The following UPF2 variants were observed in gnomAD, a reference collection of about 807,000 sequenced individuals.
UPF2 encodes the protein UPF2 regulator of nonsense mediated mRNA decay.
In UPF2, 17 loss-of-function variants were observed where a neutral mutation model predicts 141.4. That is an observed-to-expected ratio of 0.12 (90% CI 0.08 to 0.18). The LOEUF (loss-of-function observed/expected upper bound fraction) is 0.18. Ranked by LOEUF, UPF2 falls within the 10% of genes least tolerant of loss-of-function variation. UPF2 has a pLI of 1.00. For missense variants in UPF2, 1,152 were observed against 1,515.9 expected, an observed-to-expected ratio of 0.76 and a Z score of 3.99; for synonymous variants, 540 against 498.0, an observed-to-expected ratio of 1.08 and a Z score of -1.12.
intron 8 of UPF2, among the ~76,000 whole-genome samples, chr10:11,995,771 G>C (rs1038119853): frequency 6.6e-6 from 1 of 151,744 alleles, no homozygotes; most frequent in African/African-American, 2.4e-5. Context: ...CGACAAGTGA[G>C]ACTCTGTATC....
rs1340989311 is a variant in UPF2, at chr10:11,936,611, T to C, written c.3480A>G (p.Glu1160=). ...LRKGPPLGGG[E]GEAESADTMP... Reference sequence around the variant, plus strand: ...TTGTGTCTGCAGACTCAGCCTCTCCTTCCCCACCTCCCAGTGGGGGCCCTT... The same window carrying C: ...TTGTGTCTGCAGACTCAGCCTCTCCCTCCCCACCTCCCAGTGGGGGCCCTT... Residue 1160 remains glutamate, a synonymous_variant, in exon 19 of 22, where the codon GAA becomes GAG. Transcript: ENST00000357604. The surrounding 1 kb of genome is among the most constrained non-coding windows in gnomAD (Gnocchi z 6.6). 6.2e-7 allele frequency: 1 copy of C among 1,613,350 alleles called. No individual in the cohort carries two copies. The highest frequency in any genetic ancestry group is 8.5e-7 in the Non-Finnish European group (1 of 1,179,688).
intron 2 of UPF2, 79 bp from the exon 3 acceptor site, chr10:12,029,603 C>T (rs746297322): frequency 3.5e-6 from 5 of 1,425,040 alleles, no homozygotes; most frequent in South Asian, 1.5e-5. Flanking sequence ...GAGTAAAAAG[C>T]CAATGAAAAA....
intron 16 of UPF2, among the ~76,000 whole-genome samples, chr10:11,947,628 C>A (rs1417515260): frequency 6.7e-6 from 1 of 150,040 alleles, no homozygotes; most frequent in Non-Finnish European, 1.5e-5. Context: ...ACAAAAAAAC[C>A]CCAAAATAAT....
rs941671090 is a variant in UPF2 at position 11,921,962 on chromosome 10, T to G, written c.3810-655A>C. On this transcript the variant is annotated intron_variant, in intron 21 of 21. Transcript: ENST00000357604. The surrounding 1 kb of genome is among the most constrained non-coding windows in gnomAD (Gnocchi z 5.9). The stretch of plus-strand genomic sequence containing the variant: ...TTGCTGTAGACGTAATTACTTCAGA[T>G]AAGGCCATACTGGAGCAGGGTGGAG... Among the ~76,000 whole-genome samples the G allele has an allele frequency of 6.6e-6, 1 of 152,206 alleles. No homozygotes were observed. The highest frequency in any genetic ancestry group is 1.5e-5 in the Non-Finnish European group (1 of 68,040).
At chr10:11,976,317 G>C (rs1045369846) in intron 9 of UPF2, among the ~76,000 whole-genome samples, 4 of 152,104 alleles carry the variant, frequency 2.6e-5, no homozygotes, top group African/African-American at 9.7e-5. Context: ...CATAACTCCA[G>C]GTATGGAAAA....
intron 9 of UPF2, among the ~76,000 whole-genome samples, chr10:11,970,020 T>C (rs74119916): frequency 0.014 from 2,067 of 152,324 alleles, 45 homozygotes; most frequent in African/African-American, 0.047. Flanking sequence ...TAAAGCTTAA[T>C]ATACATATTG....
intron 3 of UPF2, among the ~76,000 whole-genome samples, chr10:12,017,088 T>C (rs1351429333): frequency 6.6e-6 from 1 of 151,854 alleles, no homozygotes; most frequent in East Asian, 1.9e-4. Flanking sequence ...GAAGAGTTTA[T>C]TCCATGGCAC....
At chr10:11,924,036 C>T (rs1832680429) in intron 21 of UPF2, among the ~76,000 whole-genome samples, 1 of 152,088 alleles carries the variant, frequency 6.6e-6, no homozygotes, top group African/African-American at 2.4e-5. Flanking sequence ...TAACACTTGC[C>T]AAAAATGTTA....
At chr10:12,020,188 CT>C (rs1242139739) in intron 3 of UPF2, among the ~76,000 whole-genome samples, 3 of 151,370 alleles carry the variant, frequency 2.0e-5, no homozygotes, top group Non-Finnish European at 4.4e-5. Context: ...TTTTTATTGA[CT>C]TTTTTATATT....
chr10:11,993,129 G>A (rs1355748443), intron 8 of UPF2, among the ~76,000 whole-genome samples: 1 of 119,670 alleles, frequency 8.4e-6, no homozygotes, highest in Non-Finnish European at 1.6e-5. Context: ...CAGCTTGGGT[G>A]ACAGAGTGAG....
chr10:11,998,734 G>A lies in UPF2; in HGVS notation c.1759-977C>T, dbSNP rs919089542. On this transcript the variant is annotated intron_variant, in intron 7 of 21. Coordinates refer to ENST00000357604, the MANE Select transcript of UPF2 (RefSeq NM_015542.4). The surrounding 1 kb of genome is among the most constrained non-coding windows in gnomAD (Gnocchi z 4.5). Reference sequence around the variant, plus strand: ...CCGGGCATGGTGGCGGGCACCTGTAGTCCCAGCTACTCGGGAGGCTGAGGC... The same window carrying A: ...CCGGGCATGGTGGCGGGCACCTGTAATCCCAGCTACTCGGGAGGCTGAGGC... Among the ~76,000 whole-genome samples the A allele has an allele frequency of 2.0e-5, 3 of 151,958 alleles. No homozygotes were observed. Among genetic ancestry groups the A allele is most frequent in the African/African-American group, 4.8e-5 (2 of 41,376 alleles).
Position 11,944,472 on chromosome 10 carries a change from T to C in UPF2, c.3175-1304A>G, listed in dbSNP as rs189004577. On this transcript the variant is annotated intron_variant, in intron 16 of 21. Transcript: ENST00000357604. ...TTGTACCACTGCACTCCGGCCTGGG[T>C]GACAGAGCGAGACTCCATCCCCCAC... Among the ~76,000 whole-genome samples the C allele has an allele frequency of 1.6e-3, 236 of 152,254 alleles. 1 individual carries two copies. Among genetic ancestry groups the C allele is most frequent in the African/African-American group, 5.2e-3 (218 of 41,546 alleles).
chr10:11,949,094 C>A (rs150394690), intron 15 of UPF2, among the ~76,000 whole-genome samples: 5 of 152,156 alleles, frequency 3.3e-5, no homozygotes, highest in African/African-American at 1.2e-4. Flanking sequence ...TAATGGAACT[C>A]CCTGGCCTGA....
At chr10:12,001,076 G>A (rs1199840465) in intron 6 of UPF2, among the ~76,000 whole-genome samples, 1 of 152,116 alleles carries the variant, frequency 6.6e-6, no homozygotes, top group Non-Finnish European at 1.5e-5. Context: ...AAAAGTGTAA[G>A]TATCTTTATT....
At chr10:12,017,863 G>C (rs1258977947) in intron 3 of UPF2, among the ~76,000 whole-genome samples, 1 of 152,038 alleles carries the variant, frequency 6.6e-6, no homozygotes. Context: ...ATCTACGTTA[G>C]GTATTTCTCC....
chr10:12,023,470 C>G (rs7098417), intron 3 of UPF2, among the ~76,000 whole-genome samples: 1 of 143,962 alleles, frequency 6.9e-6, no homozygotes, highest in African/African-American at 2.6e-5. Context: ...GTCAAGAGAT[C>G]GAGACCATCC....
Position 11,920,951 on chromosome 10 carries a change from C to T in UPF2, c.*347G>A, listed in dbSNP as rs1481431132. ...CCCCCACACCATTACCATCACAACC[C>T]GTTTCTTCTCTGGCTCAATCATCTC... On this transcript the variant is annotated 3_prime_UTR_variant, in exon 22 of 22. Coordinates refer to ENST00000357604, the MANE Select transcript of UPF2 (RefSeq NM_015542.4). 8 of 545,022 alleles carry T rather than the reference C, an allele frequency of 1.5e-5. No homozygotes were observed. Among genetic ancestry groups the T allele is most frequent in the Middle Eastern group, 3.0e-4 (1 of 3,338 alleles). 33.8% of individuals were successfully genotyped at this position (545,022 alleles called of 1,614,324 possible).
intron 3 of UPF2, among the ~76,000 whole-genome samples, chr10:12,025,982 TG>T (rs1338909498): frequency 6.6e-6 from 1 of 152,094 alleles, no homozygotes; most frequent in Non-Finnish European, 1.5e-5. Flanking sequence ...TTTGTAGCAA[TG>T]GGGTTTCAGC....
chr10:12,020,406 T>G (rs892135271), intron 3 of UPF2, among the ~76,000 whole-genome samples: 1 of 152,080 alleles, frequency 6.6e-6, no homozygotes, highest in Non-Finnish European at 1.5e-5. Flanking sequence ...CATGCGCCAC[T>G]ACGCCCGGCT....
Sources: allele counts gnomAD v4.1 joint callset (sites outside exome capture counted in the v4.1 genomes callset), GRCh38; gene constraint gnomAD v4.1.1; non-coding constraint Gnocchi (gnomAD v3.1); transcripts MANE v1.5; gene names NCBI Gene and HGNC (gene_info 2026-07-23, HGNC 2026-07-21).